FREM3: variants seen among roughly 807,000 people sequenced by gnomAD.
FREM3 encodes FRAS1-related extracellular matrix protein 3.
FREM3 carries 105 observed loss-of-function variants against 129.1 expected under a neutral mutation model. That is an observed-to-expected ratio of 0.81 (90% CI 0.69 to 0.96). FREM3 has a LOEUF of 0.96. FREM3 is among the 40% of genes least tolerant of loss of function. The pLI, the probability that FREM3 is intolerant of heterozygous loss-of-function variation, is 0.00. For missense variants in FREM3, 2,593 were observed against 2,666.3 expected, an observed-to-expected ratio of 0.97 and a Z score of 0.61; for synonymous variants, 1,014 against 1,044.9, an observed-to-expected ratio of 0.97 and a Z score of 0.57.
chr4:143,671,641 G>T (rs2149855894), intron 2 of FREM3, among the ~76,000 whole-genome samples: 1 of 152,132 alleles, frequency 6.6e-6, no homozygotes, highest in African/African-American at 2.4e-5. Context: ...TAAGAGTATG[G>T]TGAAAACCAC....
intron 6 of FREM3, among the ~76,000 whole-genome samples, chr4:143,608,948 T>C (rs1268497030): frequency 1.3e-5 from 2 of 152,204 alleles, no homozygotes; most frequent in African/African-American, 4.8e-5. Flanking sequence ...AAAATTTTAA[T>C]GGAAAAACTC....
At chr4:143,679,623 C>T (rs1216011742) in intron 2 of FREM3, among the ~76,000 whole-genome samples, 3 of 152,148 alleles carry the variant, frequency 2.0e-5, no homozygotes, top group African/African-American at 7.2e-5. Context: ...GCACATCCAG[C>T]CCTCTGCAGC....
chr4:143,699,689 T>TGCGTCAG lies in FREM3; in HGVS notation c.980_986dup (p.Leu330Ter). The TGCGTCAG allele has an allele frequency of 6.6e-7, 1 of 1,525,546 alleles. No homozygotes were observed. Among genetic ancestry groups the TGCGTCAG allele is most frequent in the Non-Finnish European group, 8.8e-7 (1 of 1,140,150 alleles). The allele number at this position is 1,525,546 out of a possible 1,614,324, so 94.5% of individuals were successfully genotyped here. On this transcript the variant is annotated stop_gained and frameshift_variant, in exon 1 of 8. Coordinates refer to ENST00000329798, the MANE Select transcript of FREM3 (RefSeq NM_001168235.2). LOFTEE classifies it high-confidence loss of function. This position sits in a 1 kb window ranked among gnomAD's most constrained non-coding sequence, Gnocchi z 4.2. ...CTGACTCGACGTCCTCCGCGGCCAG[T>TGCGTCAG]GCGTCAGGCGTCAGGGCTGTCAGCA...
In FREM3 at chr4:143,627,729, A is replaced by T; in HGVS notation, c.5307T>A (p.His1769Gln). Residue 1769 changes from histidine (H) to glutamine (Q), a missense_variant, in exon 3 of 8, where the codon CAT (histidine) becomes CAA (glutamine). Physicochemically the swap from His to Gln is conservative, Grantham distance 24. Transcript: ENST00000329798. Reference protein sequence around the residue: ...GGNKLTNQPFHLNWAWICLEK... With the variant: ...GGNKLTNQPFQLNWAWICLEK... ...CCAAACAAATCCAAGCCCAGTTTAG[A>T]TGGAAAGGCTGATTTGTTAGTTTAT... 6.5e-7 allele frequency: 1 copy of T among 1,535,832 alleles called. No individual in the cohort carries two copies. The highest frequency in any genetic ancestry group is 8.7e-7 in the Non-Finnish European group (1 of 1,145,764).
At chr4:143,626,664 G>A (rs1222143083) in intron 3 of FREM3, among the ~76,000 whole-genome samples, 1 of 152,114 alleles carries the variant, frequency 6.6e-6, no homozygotes, top group Non-Finnish European at 1.5e-5. Context: ...TGTAGGCCGA[G>A]GCTGAGGGCC....
chr4:143,683,873 C>T (rs1465013879), intron 2 of FREM3, among the ~76,000 whole-genome samples: 2 of 152,082 alleles, frequency 1.3e-5, no homozygotes, highest in African/African-American at 2.4e-5. Context: ...CTGGCTGAGG[C>T]CTGTGACTGC....
At chr4:143,682,744 A>C (rs114295924) in intron 2 of FREM3, among the ~76,000 whole-genome samples, 5 of 152,118 alleles carry the variant, frequency 3.3e-5, no homozygotes, top group African/African-American at 7.2e-5. Context: ...AGTGTTTACT[A>C]TGTGTCGGGC....
chr4:143,663,815 C>G (rs1001496486), intron 2 of FREM3, among the ~76,000 whole-genome samples: 2 of 152,060 alleles, frequency 1.3e-5, no homozygotes, highest in Admixed American at 1.3e-4. Context: ...AACTTCCCTT[C>G]TCGCTTCATT....
chr4:143,683,733 C>A (rs892523832), intron 2 of FREM3, among the ~76,000 whole-genome samples: 33 of 152,230 alleles, frequency 2.2e-4, no homozygotes, highest in African/African-American at 8.0e-4. Flanking sequence ...AAGCCCCTTT[C>A]TTTCGCAGCT....
chr4:143,676,520 T>C (rs1340025758), intron 2 of FREM3, among the ~76,000 whole-genome samples: 1 of 152,124 alleles, frequency 6.6e-6, no homozygotes, highest in African/African-American at 2.4e-5. Flanking sequence ...CTATTCAACA[T>C]AGTGTTGGAA....
At chr4:143,638,947 G>A (rs1560853862) in intron 2 of FREM3, among the ~76,000 whole-genome samples, 1 of 152,092 alleles carries the variant, frequency 6.6e-6, no homozygotes, top group Non-Finnish European at 1.5e-5. Context: ...TCGATCTTGT[G>A]ATTGCTGTGT....
At position 143,700,312 on chromosome 4, in the gene FREM3, G is replaced by T; in HGVS notation, c.364C>A (p.Arg122Ser). 2 of 1,535,146 alleles carry T rather than the reference G, an allele frequency of 1.3e-6. No individual in the cohort carries two copies. Among genetic ancestry groups the T allele is most frequent in the Non-Finnish European group, 1.7e-6 (2 of 1,145,938 alleles). Residue 122 changes from arginine to serine, a missense_variant, in exon 1 of 8, where the codon CGC becomes AGC. This residue lies in a region of FREM3 where 2,276 missense variants were observed against 2,267.2 expected (regional missense o/e 1.00). Coordinates refer to ENST00000329798, the MANE Select transcript of FREM3 (RefSeq NM_001168235.2). ...PRRFPCTFGP[R>S]QVQYTHFGSH... Reference sequence around the variant, plus strand: ...CCGAAGTGAGTGTACTGGACTTGGCGGGGCCCGAAGGTGCAGGGGAAGCGG... The same window carrying T: ...CCGAAGTGAGTGTACTGGACTTGGCTGGGCCCGAAGGTGCAGGGGAAGCGG...
chr4:143,679,513 A>G (rs576456238), intron 2 of FREM3, among the ~76,000 whole-genome samples: 1 of 152,372 alleles, frequency 6.6e-6, no homozygotes, highest in Non-Finnish European at 1.5e-5. Flanking sequence ...CGGTTTCAGC[A>G]TAAAAGAAAA....
At chr4:143,603,307 T>G (rs1003880513) in intron 6 of FREM3, among the ~76,000 whole-genome samples, 3 of 152,166 alleles carry the variant, frequency 2.0e-5, no homozygotes, top group African/African-American at 7.2e-5. Context: ...GTTGCATCAC[T>G]TGGCTTTGTA....
At chr4:143,635,816 T>A (rs1739223780) in intron 2 of FREM3, among the ~76,000 whole-genome samples, 1 of 152,188 alleles carries the variant, frequency 6.6e-6, no homozygotes. Context: ...TAAAACTGTT[T>A]TCCATGTGAG....
intron 7 of FREM3, among the ~76,000 whole-genome samples, chr4:143,583,075 G>A (rs1466956646): frequency 6.6e-6 from 1 of 151,736 alleles, no homozygotes; most frequent in Non-Finnish European, 1.5e-5. Context: ...AAGAGATGGG[G>A]TTTTGCCATG....
chr4:143,592,935 T>C (rs1738393454), intron 6 of FREM3, among the ~76,000 whole-genome samples: 2 of 152,168 alleles, frequency 1.3e-5, no homozygotes, highest in East Asian at 1.9e-4. Flanking sequence ...GCTTTGCTCG[T>C]TTCTTTTTAT....
In FREM3 at chr4:143,700,502, G is replaced by T; in HGVS notation, c.174C>A (p.Asp58Glu). 6.6e-7 allele frequency: 1 copy of T among 1,515,198 alleles called. No individual in the cohort carries two copies. The highest frequency in any genetic ancestry group is 8.8e-7 in the Non-Finnish European group (1 of 1,134,554). 93.9% of individuals were successfully genotyped at this position (1,515,198 alleles called of 1,614,324 possible). A position where few individuals can be genotyped will look rare whatever the true frequency, so the allele number is the denominator to read the frequency against. ...GGTTGGCAATCAGCACGCTGGGGCC[G>T]TCGGGGCGAGTGCCGTCAAGCGCAC... ...ARGALDGTRP[D>E]GPSVLIANPG... Residue 58 changes from aspartate to glutamate, a missense_variant, in exon 1 of 8, where the codon GAC becomes GAA. Physicochemically the swap from Asp to Glu is conservative, Grantham distance 45. Transcript: ENST00000329798.
intron 5 of FREM3, among the ~76,000 whole-genome samples, chr4:143,614,267 T>C (rs895621068): frequency 6.6e-6 from 1 of 152,222 alleles, no homozygotes; most frequent in African/African-American, 2.4e-5. Context: ...TTTGGGCAAC[T>C]CTTTGAGCAG....
Sources: allele counts gnomAD v4.1 joint callset (sites outside exome capture counted in the v4.1 genomes callset), GRCh38; gene constraint gnomAD v4.1.1; regional missense constraint gnomAD v4.1.1; non-coding constraint Gnocchi (gnomAD v3.1); transcripts MANE v1.5; gene names NCBI Gene and HGNC (gene_info 2026-07-23, HGNC 2026-07-21).